Variants in THSD7B observed in about 807,000 individuals in gnomAD.
THSD7B encodes thrombospondin type-1 domain-containing protein 7B.
Under a neutral mutation model 213.6 loss-of-function variants are expected in THSD7B, and 138 were observed. The observed-to-expected ratio is 0.65, with a 90% CI of 0.56 to 0.74. The LOEUF is 0.74. THSD7B is among the 30% of genes least tolerant of loss of function. THSD7B has a pLI of 0.00. For synonymous variants in THSD7B, 742 were observed against 687.0 expected, an observed-to-expected ratio of 1.08 and a Z score of -1.25; for missense variants, 1,931 against 1,991.5, an observed-to-expected ratio of 0.97 and a Z score of 0.58.
At chr2:137,074,475 G>T (rs2104896179) in intron 3 of THSD7B, among the ~76,000 whole-genome samples, 1 of 152,242 alleles carries the variant, frequency 6.6e-6, no homozygotes, top group South Asian at 2.1e-4. Context: ...GAGCCCATGT[G>T]TGTCCCTGCA....
intron 10 of THSD7B, among the ~76,000 whole-genome samples, chr2:137,252,567 G>A (rs568204085): frequency 6.6e-6 from 1 of 152,300 alleles, no homozygotes; most frequent in Non-Finnish European, 1.5e-5. Flanking sequence ...GAAGTGCTGG[G>A]ATTACAGGTG....
At chr2:137,575,365 C>A (rs1261443406) in intron 17 of THSD7B, among the ~76,000 whole-genome samples, 5 of 152,012 alleles carry the variant, frequency 3.3e-5, no homozygotes, top group Non-Finnish European at 2.9e-5. Context: ...AGGAAAGATC[C>A]CTTCCCCTGC....
intron 2 of THSD7B, among the ~76,000 whole-genome samples, chr2:137,020,517 T>C (rs1217758462): frequency 6.6e-6 from 1 of 152,138 alleles, no homozygotes; most frequent in African/African-American, 2.4e-5. Context: ...CGCATGTACA[T>C]AGCACAGCAA....
chr2:137,570,017 G>A (rs1244799501), intron 16 of THSD7B, among the ~76,000 whole-genome samples: 5 of 151,194 alleles, frequency 3.3e-5, no homozygotes, highest in East Asian at 1.9e-4. Flanking sequence ...TTTTTTTTAA[G>A]TTTGTCCAGG....
intron 3 of THSD7B, among the ~76,000 whole-genome samples, chr2:137,067,640 A>G (rs1687405993): frequency 6.6e-6 from 1 of 152,070 alleles, no homozygotes; most frequent in African/African-American, 2.4e-5. Context: ...ACCTTCACAA[A>G]TTCTTCTCAG....
At chr2:137,314,799 G>A (rs554191062) in intron 12 of THSD7B, among the ~76,000 whole-genome samples, 28 of 152,336 alleles carry the variant, frequency 1.8e-4, no homozygotes, top group African/African-American at 6.5e-4. Context: ...GCTGGGGGTT[G>A]CCTCCCAGTT....
At chr2:137,348,412 C>T (rs140113607) in intron 12 of THSD7B, among the ~76,000 whole-genome samples, 1 of 151,772 alleles carries the variant, frequency 6.6e-6, no homozygotes, top group Non-Finnish European at 1.5e-5. Context: ...ATCATATGCC[C>T]TCGATATGCA....
intron 17 of THSD7B, among the ~76,000 whole-genome samples, chr2:137,615,957 C>T (rs1682377597): frequency 6.6e-6 from 1 of 151,880 alleles, no homozygotes; most frequent in Non-Finnish European, 1.5e-5. Context: ...AGAAATGTAG[C>T]CTTCAAGGTA....
rs759566239 is a variant in THSD7B, at chr2:137,231,171, T to C, written c.1851T>C (p.Cys617=). The C allele has an allele frequency of 6.8e-6, 11 of 1,613,436 alleles. No individual in the cohort carries two copies. Among genetic ancestry groups the C allele is most frequent in the Non-Finnish European group, 9.3e-6 (11 of 1,179,704 alleles). The change falls in exon 8 of 28, where the codon TGT becomes TGC. Residue 617 remains cysteine, a synonymous_variant. Coordinates refer to ENST00000409968, the MANE Select transcript of THSD7B (RefSeq NM_001316349.2). ...WTEWSSCSQS[C]SNKNSDGKQT... ...AGTGGTCATCCTGTTCCCAGTCCTGTTCAAATAAAAACTCAGATGGGAAAC... is the reference window on the plus strand; with the variant it reads ...AGTGGTCATCCTGTTCCCAGTCCTGCTCAAATAAAAACTCAGATGGGAAAC...
At chr2:136,806,548 TA>T (rs1682284676) in intron 1 of THSD7B, among the ~76,000 whole-genome samples, 1 of 152,230 alleles carries the variant, frequency 6.6e-6, no homozygotes, top group African/African-American at 2.4e-5. Context: ...TTTTTTTAAA[TA>T]AACTTTTAAT....
intron 4 of THSD7B, 102 bp downstream of exon 4, chr2:137,095,223 CTT>C (rs1688019627): frequency 2.1e-6 from 3 of 1,452,232 alleles, no homozygotes; most frequent in East Asian, 4.7e-5. Context: ...TTTATTGAGT[CTT>C]CACTCAGTAT....
intron 12 of THSD7B, among the ~76,000 whole-genome samples, chr2:137,356,961 C>CAG (rs1558768292): frequency 1.5e-5 from 1 of 67,200 alleles, no homozygotes; most frequent in African/African-American, 4.1e-5. Flanking sequence ...CACACACACA[C>CAG]ACACAGACAC....
At chr2:136,768,641 C>T (rs1293109314) in intron 1 of THSD7B, among the ~76,000 whole-genome samples, 2 of 152,136 alleles carry the variant, frequency 1.3e-5, no homozygotes, top group Non-Finnish European at 2.9e-5. Flanking sequence ...AAGAATAGCA[C>T]TATTAAGGCT....
chr2:136,840,336 G>A (rs1405068618), intron 1 of THSD7B, among the ~76,000 whole-genome samples: 6 of 152,146 alleles, frequency 3.9e-5, no homozygotes, highest in East Asian at 3.9e-4. Context: ...CTGAGATTGC[G>A]CCATTGCACT....
intron 15 of THSD7B, among the ~76,000 whole-genome samples, chr2:137,490,871 G>A (rs1165044127): frequency 1.3e-5 from 2 of 152,134 alleles, no homozygotes; most frequent in Admixed American, 1.3e-4. Context: ...GAAGACAATT[G>A]TTAGAAAAAT....
intron 5 of THSD7B, among the ~76,000 whole-genome samples, chr2:137,157,707 T>C (rs72852236): frequency 0.066 from 10,060 of 152,248 alleles, 516 homozygotes; most frequent in Non-Finnish European, 0.1. Context: ...GCTGGGAATG[T>C]GAATAAGTGA....
intron 5 of THSD7B, among the ~76,000 whole-genome samples, chr2:137,142,314 G>A (rs1679602698): frequency 6.6e-6 from 1 of 152,108 alleles, no homozygotes; most frequent in African/African-American, 2.4e-5. Flanking sequence ...CCACTCCCTA[G>A]ATAAGGAACC....
Position 137,588,090 on chromosome 2 carries a change from G to A in THSD7B, c.3423+15534G>A, listed in dbSNP as rs531830572. On this transcript the variant is annotated intron_variant, in intron 17 of 27. Coordinates refer to ENST00000409968, the MANE Select transcript of THSD7B (RefSeq NM_001316349.2). ...TTGCAGTTTGATCTCAGACTGCTGT[G>A]CTAGCAATGAGTGAGGCTCCAAGGG... 3.2e-3 allele frequency among the ~76,000 whole-genome samples: 489 copies of A among 152,312 alleles called. 2 individuals carry two copies. Among genetic ancestry groups the A allele is most frequent in the African/African-American group, 0.011 (468 of 41,566 alleles).
intron 1 of THSD7B, among the ~76,000 whole-genome samples, chr2:136,844,490 G>GAGAGAGAC (rs895586400): frequency 5.6e-4 from 84 of 149,592 alleles, no homozygotes; most frequent in Middle Eastern, 3.4e-3. Flanking sequence ...GAGAGAGAGA[G>GAGAGAGAC]AGAGACAGAG....
Sources: allele counts gnomAD v4.1 joint callset (sites outside exome capture counted in the v4.1 genomes callset), GRCh38; gene constraint gnomAD v4.1.1; transcripts MANE v1.5; gene names NCBI Gene and HGNC (gene_info 2026-07-23, HGNC 2026-07-21).